Variants in UHRF2 observed in about 807,000 individuals in gnomAD.
UHRF2 encodes ubiquitin like with PHD and ring finger domains 2, also known as E3 ubiquitin-protein ligase UHRF2.
In UHRF2, 23 loss-of-function variants were observed where a neutral mutation model predicts 96.8. That is an observed-to-expected ratio of 0.24 (90% CI 0.17 to 0.34). The LOEUF is 0.34. Ranked by LOEUF, UHRF2 falls within the 10% of genes least tolerant of loss-of-function variation. The pLI is 1.00. For synonymous variants in UHRF2, 385 were observed against 332.6 expected (o/e 1.16, Z -1.72); for missense variants, 685 against 981.5 (o/e 0.70, Z 4.04).
At chr9:6,445,520 C>G (rs202053745) in intron 3 of UHRF2, among the ~76,000 whole-genome samples, 3 of 152,146 alleles carry the variant, frequency 2.0e-5, no homozygotes, top group Non-Finnish European at 4.4e-5. Flanking sequence ...CTCGGCCTCC[C>G]AAAGTTCTGG....
At chr9:6,438,495 T>G (rs901933296) in intron 3 of UHRF2, among the ~76,000 whole-genome samples, 1 of 152,230 alleles carries the variant, frequency 6.6e-6, no homozygotes, top group Non-Finnish European at 1.5e-5. Context: ...GGTATTTCTC[T>G]CAAAGAACTA....
chr9:6,460,856 T>TTAA, intron 4 of UHRF2, 65 bp downstream of exon 4: 1 of 1,363,426 alleles, frequency 7.3e-7, no homozygotes, highest in South Asian at 1.4e-5. Flanking sequence ...TTTTTAGGTA[T>TTAA]TAAGCACGTG....
At chr9:6,449,790 T>C (rs1185307090) in intron 3 of UHRF2, among the ~76,000 whole-genome samples, 1 of 152,260 alleles carries the variant, frequency 6.6e-6, no homozygotes, top group East Asian at 1.9e-4. Context: ...GTACCTGTTA[T>C]CAGCCCCTAA....
rs1819898510 is a variant in UHRF2 at position 6,420,982 on chromosome 9, C to T, written c.224C>T (p.Pro75Leu). 1.2e-6 allele frequency: 2 copies of T among 1,613,470 alleles called. No homozygotes were observed. Among genetic ancestry groups the T allele is most frequent in the African/African-American group, 1.3e-5 (1 of 74,642 alleles). Reference protein sequence around the residue: ...LNDIIQLLVRPDPDHLPGTST... With the variant: ...LNDIIQLLVRLDPDHLPGTST... Reference sequence around the variant, plus strand: ...GATATAATTCAGCTGCTAGTTCGCCCAGACCCTGATCATCTTCCTGGCACA... The same window carrying T: ...GATATAATTCAGCTGCTAGTTCGCCTAGACCCTGATCATCTTCCTGGCACA... The change falls in exon 2 of 16, where the codon CCA becomes CTA. Residue 75 changes from proline (P) to leucine (L), a missense_variant. Physicochemically the swap from Pro to Leu is moderately conservative, Grantham distance 98. This residue lies in a region of UHRF2 where 391 missense variants were observed against 437.0 expected (regional missense o/e 0.89). Coordinates refer to ENST00000276893, the MANE Select transcript of UHRF2 (RefSeq NM_152896.3).
intron 4 of UHRF2, 69 bp from the exon 5 acceptor site, chr9:6,475,322 T>C (rs1445236051): frequency 3.3e-6 from 3 of 916,130 alleles, no homozygotes; most frequent in Non-Finnish European, 4.7e-6. Flanking sequence ...CAAACTGGCT[T>C]TTAATTATTA....
intron 9 of UHRF2, among the ~76,000 whole-genome samples, chr9:6,487,133 G>C (rs138620600): frequency 1.1e-3 from 163 of 141,776 alleles, no homozygotes; most frequent in Admixed American, 2.9e-3. Context: ...TTTGTTAAGT[G>C]ATTATTATAA....
intron 10 of UHRF2, chr9:6,496,886 C>T (rs116111801): frequency 7.8e-5 from 16 of 204,290 alleles, no homozygotes; most frequent in African/African-American, 1.1e-4. Context: ...CCCCAACAAA[C>T]GTTATTTAAA....
At chr9:6,415,986 T>C (rs1442014662) in intron 1 of UHRF2, among the ~76,000 whole-genome samples, 1 of 152,230 alleles carries the variant, frequency 6.6e-6, no homozygotes, top group East Asian at 1.9e-4. Context: ...AAGCAGAATC[T>C]GTATTTTAAC....
chr9:6,442,669 G>T (rs949200305), intron 3 of UHRF2, among the ~76,000 whole-genome samples: 2 of 150,706 alleles, frequency 1.3e-5, no homozygotes, highest in Non-Finnish European at 3.0e-5. Context: ...TTTTTTTTGG[G>T]GGGGTAGAGA....
At position 6,439,323 on chromosome 9, in the gene UHRF2, G is replaced by T. The variant is rs544273383; in HGVS notation, c.644+5150G>T. Among the ~76,000 whole-genome samples the T allele has an allele frequency of 3.9e-5, 6 of 152,230 alleles. 1 individual carries two copies. In the South Asian group the frequency reaches 1.2e-3, roughly 32 times the overall value. Reference sequence around the variant, plus strand: ...TCTCAGCCTCCTGAGACACAGATGTGCACCACCACGCCCGGCTAATTTTTG... The same window carrying T: ...TCTCAGCCTCCTGAGACACAGATGTTCACCACCACGCCCGGCTAATTTTTG... On this transcript the variant is annotated intron_variant, in intron 3 of 15. Coordinates refer to ENST00000276893, the MANE Select transcript of UHRF2 (RefSeq NM_152896.3).
intron 1 of UHRF2, among the ~76,000 whole-genome samples, chr9:6,417,288 A>C (rs1563737193): frequency 1.3e-5 from 2 of 152,076 alleles, no homozygotes; most frequent in Admixed American, 6.6e-5. Context: ...AAAAATCCTA[A>C]CCATTTTTGC....
intron 8 of UHRF2, among the ~76,000 whole-genome samples, chr9:6,483,324 C>CAAAA (rs34497002): frequency 1.7e-5 from 1 of 59,512 alleles, no homozygotes; most frequent in Non-Finnish European, 3.5e-5. Context: ...GACTCTGTCT[C>CAAAA]AAAAAAAAAA....
chr9:6,476,836 G>A (rs997620970), intron 5 of UHRF2, among the ~76,000 whole-genome samples: 1 of 152,004 alleles, frequency 6.6e-6, no homozygotes, highest in Non-Finnish European at 1.5e-5. Flanking sequence ...CTCGTGATCC[G>A]CCCAACCCAG....
chr9:6,506,086 G>T lies in UHRF2; in HGVS notation c.2316G>T (p.Arg772=), dbSNP rs765609642. The change falls in exon 16 of 16, where the codon CGG becomes CGT. Residue 772 remains arginine, a synonymous_variant. Transcript: ENST00000276893. ...KAQVFSCPAC[R]HDLGQNYIMI... is the part of the protein sequence containing the mutation. ...AGGTTTTCTCCTGCCCTGCTTGCCG[G>T]CATGATCTTGGCCAGAATTACATCA... is the stretch of plus-strand genomic sequence containing the variant. 1.4e-5 allele frequency: 23 copies of T among 1,614,036 alleles called. No individual in the cohort carries two copies. The highest frequency in any genetic ancestry group is 1.9e-5 in the Non-Finnish European group (23 of 1,180,042).
At chr9:6,441,565 C>G (rs564166283) in intron 3 of UHRF2, among the ~76,000 whole-genome samples, 19 of 152,210 alleles carry the variant, frequency 1.2e-4, no homozygotes, top group African/African-American at 4.3e-4. Flanking sequence ...CCTTTTGACC[C>G]AGCCTTATCC....
intron 9 of UHRF2, among the ~76,000 whole-genome samples, chr9:6,489,614 G>A (rs947492131): frequency 4.6e-5 from 7 of 152,068 alleles, no homozygotes; most frequent in Non-Finnish European, 8.8e-5. Flanking sequence ...ATTCTGATAG[G>A]TGTGTGTTGA....
rs529401220 is a variant in UHRF2 at position 6,493,755 on chromosome 9, A to G, written c.1498-71A>G. The G allele has an allele frequency of 4.2e-5, 56 of 1,333,222 alleles. No individual in the cohort carries two copies. The East Asian group carries it at 1.3e-3, about 30-fold the overall frequency. 82.6% of individuals were successfully genotyped at this position (1,333,222 alleles called of 1,614,324 possible). The stretch of plus-strand genomic sequence containing the variant: ...CATAACATCCTAATGAAATGTTTTG[A>G]CTCTGAAATAAGAATTGATGAAATT... On this transcript the variant is annotated intron_variant, in intron 9 of 15. Transcript: ENST00000276893.
chr9:6,420,895 C>T lies in UHRF2; in HGVS notation c.154-17C>T. The stretch of plus-strand genomic sequence containing the variant: ...CATTTTAGAGAAGCATTTCACTATT[C>T]TTTCTTTATTTTCTAGTTGGAAAAT... On this transcript the variant is annotated splice_polypyrimidine_tract_variant and intron_variant, in intron 1 of 15. Transcript: ENST00000276893. 1 of 1,588,598 alleles carries T rather than the reference C, an allele frequency of 6.3e-7. No individual in the cohort carries two copies. The highest frequency in any genetic ancestry group is 1.3e-5 in the African/African-American group (1 of 74,476).
chr9:6,463,094 C>CAACTAGTG (rs1822647773), intron 4 of UHRF2, among the ~76,000 whole-genome samples: 1 of 152,022 alleles, frequency 6.6e-6, no homozygotes, highest in East Asian at 1.9e-4. Flanking sequence ...CCAGTCTGAC[C>CAACTAGTG]AACTAGTGAA....
Sources: gnomAD v4.1 joint callset for allele counts (sites outside exome capture counted in the v4.1 genomes callset) on GRCh38, gnomAD v4.1.1 for gene constraint, gnomAD v4.1.1 regional missense constraint, MANE v1.5 for transcripts, NCBI Gene and HGNC (gene_info 2026-07-23, HGNC 2026-07-21) for gene names.